XYLT1: variants seen among roughly 807,000 people sequenced by gnomAD.
XYLT1 encodes xylosyltransferase 1, also known as beta-D-xylosyltransferase 1.
XYLT1 carries 36 observed loss-of-function variants against 91.3 expected under a neutral mutation model. The ratio of observed to expected loss-of-function variants is 0.39; its 90% CI spans 0.30 to 0.52. The LOEUF (loss-of-function observed/expected upper bound fraction) is 0.52. Among genes scored for constraint, XYLT1 ranks in the 20% least tolerant of loss-of-function variants. The pLI, the probability that XYLT1 is intolerant of heterozygous loss-of-function variation, is 0.68. For missense variants in XYLT1, 1,242 were observed against 1,284.5 expected, an observed-to-expected ratio of 0.97 and a Z score of 0.51; for synonymous variants, 588 against 532.0, an observed-to-expected ratio of 1.11 and a Z score of -1.45.
chr16:17,254,131 C>T (rs1283868180), intron 3 of XYLT1, among the ~76,000 whole-genome samples: 1 of 152,178 alleles, frequency 6.6e-6, no homozygotes, highest in Non-Finnish European at 1.5e-5. Context: ...CAGTGTTGCA[C>T]ATATTAGCAC....
intron 1 of XYLT1, among the ~76,000 whole-genome samples, chr16:17,467,825 G>C (rs759412983): frequency 4.6e-5 from 7 of 152,120 alleles, no homozygotes; most frequent in Admixed American, 3.3e-4. Context: ...CCCTCTACAT[G>C]CAAGAGCCAA....
chr16:17,344,325 TACAAAAAAAAA>T (rs2035111397), intron 2 of XYLT1, among the ~76,000 whole-genome samples: 1 of 109,376 alleles, frequency 9.1e-6, no homozygotes, highest in Non-Finnish European at 2.0e-5. Flanking sequence ...TACTAAAAAA[TACAAAAAAAAA>T]AAAAAAATTA....
intron 2 of XYLT1, among the ~76,000 whole-genome samples, chr16:17,261,095 A>C (rs1312821308): frequency 2.0e-5 from 3 of 152,118 alleles, no homozygotes; most frequent in Non-Finnish European, 2.9e-5. Context: ...CACAAAAAAT[A>C]GCTAGGGGTG....
In XYLT1 at chr16:17,158,838, T is replaced by C; in HGVS notation, c.1361A>G (p.Asp454Gly). 1 of 1,613,966 alleles carries C rather than the reference T, an allele frequency of 6.2e-7. No homozygotes were observed. The highest frequency in any genetic ancestry group is 8.5e-7 in the Non-Finnish European group (1 of 1,179,966). The change falls in exon 6 of 12, where the codon GAC (aspartate) becomes GGC (glycine). Residue 454 changes from aspartate to glycine, a missense_variant. By Grantham distance (94) the Asp-to-Gly change is moderately conservative. Transcript: ENST00000261381. ...DMNFLKSHGRDNARFIRKQGL... is the reference protein window; with the variant it reads ...DMNFLKSHGRGNARFIRKQGL... Reference sequence around the variant, plus strand: ...GGGGTTGAGGTGCTACCTTGCATTGTCCCGGCCGTGTGACTTCAAGAAATT... The same window carrying C: ...GGGGTTGAGGTGCTACCTTGCATTGCCCCGGCCGTGTGACTTCAAGAAATT...
intron 3 of XYLT1, among the ~76,000 whole-genome samples, chr16:17,220,533 C>T (rs1248322562): frequency 3.9e-5 from 6 of 152,142 alleles, no homozygotes; most frequent in East Asian, 3.9e-4. Context: ...AGTGCAATGC[C>T]GCAATCTCGG....
chr16:17,188,594 A>C (rs2032241103), intron 5 of XYLT1, among the ~76,000 whole-genome samples: 1 of 152,182 alleles, frequency 6.6e-6, no homozygotes, highest in African/African-American at 2.4e-5. Flanking sequence ...CCCTCAGTCC[A>C]TGTGAGATTC....
intron 1 of XYLT1, among the ~76,000 whole-genome samples, chr16:17,420,207 C>T (rs2036234541): frequency 6.6e-6 from 1 of 152,094 alleles, no homozygotes; most frequent in Non-Finnish European, 1.5e-5. Flanking sequence ...GTGCCCAAAC[C>T]CTAGGTAATG....
At chr16:17,454,538 AT>A (rs67567053) in intron 1 of XYLT1, among the ~76,000 whole-genome samples, 14,119 of 145,128 alleles carry the variant, frequency 0.097, 2,039 homozygotes, top group African/African-American at 0.32. Flanking sequence ...TATGATCGCA[AT>A]TTTTTTTTTT....
chr16:17,169,827 T>C (rs1353672953), intron 5 of XYLT1, among the ~76,000 whole-genome samples: 1 of 152,250 alleles, frequency 6.6e-6, no homozygotes, highest in Non-Finnish European at 1.5e-5. Context: ...CATACAATGA[T>C]TGATTACAGC....
intron 10 of XYLT1, among the ~76,000 whole-genome samples, chr16:17,119,381 T>A (rs2029967552): frequency 6.6e-6 from 1 of 152,188 alleles, no homozygotes; most frequent in Admixed American, 6.5e-5. Context: ...CATGTGGGCA[T>A]GTTGGGGCAA....
At chr16:17,292,956 T>G (rs973925870) in intron 2 of XYLT1, among the ~76,000 whole-genome samples, 7 of 152,162 alleles carry the variant, frequency 4.6e-5, no homozygotes, top group African/African-American at 1.7e-4. Context: ...GAACCAGGAC[T>G]CTGGCACATG....
chr16:17,129,044 GTT>G (rs2030363267), intron 9 of XYLT1, among the ~76,000 whole-genome samples: 1 of 117,386 alleles, frequency 8.5e-6, no homozygotes, highest in Non-Finnish European at 1.6e-5. Context: ...TCATTGCCTT[GTT>G]ACTGGGATGC....
intron 1 of XYLT1, among the ~76,000 whole-genome samples, chr16:17,411,912 C>G (rs1045663160): frequency 5.9e-5 from 9 of 152,248 alleles, no homozygotes; most frequent in Non-Finnish European, 2.9e-5. Flanking sequence ...TGCTGACTCA[C>G]AATCCGGCTG....
chr16:17,112,088 C>T (rs4453460), intron 11 of XYLT1, among the ~76,000 whole-genome samples: 1 of 151,990 alleles, frequency 6.6e-6, no homozygotes, highest in African/African-American at 2.4e-5. Flanking sequence ...GCTAACAAAC[C>T]TGCGAACGCT....
intron 1 of XYLT1, among the ~76,000 whole-genome samples, chr16:17,385,295 C>CAT (rs1209603691): frequency 1.3e-5 from 2 of 151,354 alleles, no homozygotes; most frequent in African/African-American, 4.9e-5. Context: ...CACACACACA[C>CAT]ACACACACAC....
intron 2 of XYLT1, among the ~76,000 whole-genome samples, chr16:17,289,082 G>T (rs1253034731): frequency 1.3e-5 from 2 of 152,176 alleles, no homozygotes; most frequent in Non-Finnish European, 2.9e-5. Flanking sequence ...CTAGGGTCAA[G>T]AAATCATTTT....
At chr16:17,220,815 C>A (rs1416457555) in intron 3 of XYLT1, among the ~76,000 whole-genome samples, 3 of 152,188 alleles carry the variant, frequency 2.0e-5, no homozygotes, top group Admixed American at 2.0e-4. Context: ...TTTGCCTGGG[C>A]AGATAAAATC....
At chr16:17,441,591 T>C (rs1410401376) in intron 1 of XYLT1, among the ~76,000 whole-genome samples, 2 of 152,152 alleles carry the variant, frequency 1.3e-5, no homozygotes, top group Non-Finnish European at 2.9e-5. Context: ...CTCAAGGGAA[T>C]TGGGACTTTG....
rs557959797 is a variant in XYLT1 at position 17,218,314 on chromosome 16, C to G, written c.914-17660G>C. On this transcript the variant is annotated intron_variant, in intron 3 of 11. Coordinates refer to ENST00000261381, the MANE Select transcript of XYLT1 (RefSeq NM_022166.4). ...CAACAACAAGAACAACAAAACAAAG[C>G]GAAAAAGCAAACTCAGGGGTGGGGA... 5.3e-5 allele frequency among the ~76,000 whole-genome samples: 8 copies of G among 150,676 alleles called. No homozygotes were observed. The East Asian group carries it at 1.6e-3, about 29-fold the overall frequency.
Sources: gnomAD v4.1 joint callset for allele counts (sites outside exome capture counted in the v4.1 genomes callset) on GRCh38, gnomAD v4.1.1 for gene constraint, MANE v1.5 for transcripts, NCBI Gene and HGNC (gene_info 2026-07-23, HGNC 2026-07-21) for gene names.